Variants in ATF1 observed in about 807,000 individuals in gnomAD.
The protein encoded by ATF1 is cyclic AMP-dependent transcription factor ATF-1.
ATF1 carries 16 observed loss-of-function variants against 34.7 expected under a neutral mutation model. The observed-to-expected ratio is 0.46, with a 90% confidence interval of 0.31 to 0.70. The LOEUF (loss-of-function observed/expected upper bound fraction) is 0.70. Among genes scored for constraint, ATF1 ranks in the 30% least tolerant of loss-of-function variants. The pLI, the probability that ATF1 is intolerant of heterozygous loss-of-function variation, is 0.05. For missense variants in ATF1, 255 were observed against 321.6 expected (o/e 0.79, Z 1.58); for synonymous variants, 105 against 113.1 (o/e 0.93, Z 0.46).
intron 3 of ATF1, among the ~76,000 whole-genome samples, chr12:50,806,847 C>T (rs1183803955): frequency 2.0e-5 from 3 of 152,166 alleles, no homozygotes; most frequent in African/African-American, 7.2e-5. Flanking sequence ...GTTTAGGAAG[C>T]ACTCTGACTA....
intron 2 of ATF1, among the ~76,000 whole-genome samples, chr12:50,785,291 ACACACACACAC>A: frequency 4.8e-4 from 1 of 2,086 alleles, no homozygotes; most frequent in South Asian, 0.045. Context: ...ACATACACAC[ACACACACACAC>A]ACACACACAC....
At position 50,812,912 on chromosome 12, in the gene ATF1, T is replaced by A. The variant is rs75587360; in HGVS notation, c.329-1098T>A. Among the ~76,000 whole-genome samples the A allele has an allele frequency of 2.1e-3, 313 of 152,228 alleles. 1 individual carries two copies. The highest frequency in any genetic ancestry group is 7.2e-3 in the African/African-American group (300 of 41,538). ...TAAAGTTGGGGCAGTTGGGGAGGGA[T>A]AATTATGAATGCGTGAAAAAAAATA... On this transcript the variant is annotated intron_variant, in intron 4 of 6. Coordinates refer to ENST00000262053, the MANE Select transcript of ATF1 (RefSeq NM_005171.5).
At chr12:50,803,217 G>A (rs986001213) in intron 3 of ATF1, among the ~76,000 whole-genome samples, 9 of 151,152 alleles carry the variant, frequency 6.0e-5, no homozygotes, top group Admixed American at 2.6e-4. Flanking sequence ...GTAGTGAGCC[G>A]AGATCGCACC....
intron 1 of ATF1, among the ~76,000 whole-genome samples, chr12:50,774,063 C>T (rs1209515455): frequency 1.3e-5 from 2 of 151,962 alleles, no homozygotes; most frequent in Non-Finnish European, 2.9e-5. Flanking sequence ...TGGAGTTTCA[C>T]TCTTGTTGCC....
intron 3 of ATF1, among the ~76,000 whole-genome samples, chr12:50,796,684 G>C (rs1941414357): frequency 6.7e-6 from 1 of 149,412 alleles, no homozygotes. Context: ...CTGGGCAACA[G>C]AGCAAGACTC....
At chr12:50,795,138 C>T (rs1358526356) in intron 2 of ATF1, among the ~76,000 whole-genome samples, 1 of 152,172 alleles carries the variant, frequency 6.6e-6, no homozygotes, top group Non-Finnish European at 1.5e-5. Flanking sequence ...TGCCAGTGAC[C>T]TCCACCTTGC....
rs1592159274 is a variant in ATF1, at chr12:50,764,403, T to C, written c.-7+96T>C. On this transcript the variant is annotated intron_variant, in intron 1 of 6. Transcript: ENST00000262053. Reference sequence around the variant, plus strand: ...GGGGACGCAGCGCGGGTCGCGCGCCTGGTGGGGGTCGCGCGCGGTGGTGGC... The same window carrying C: ...GGGGACGCAGCGCGGGTCGCGCGCCCGGTGGGGGTCGCGCGCGGTGGTGGC... 4 of 102,094 alleles carry C rather than the reference T, an allele frequency of 3.9e-5. No individual in the cohort carries two copies. In the East Asian group the frequency reaches 1.2e-3, roughly 30 times the overall value. The allele number at this position is 102,094 out of a possible 1,614,324, so 6.3% of individuals were successfully genotyped here.
At chr12:50,783,509 A>G (rs1329109069) in intron 2 of ATF1, among the ~76,000 whole-genome samples, 1 of 152,218 alleles carries the variant, frequency 6.6e-6, no homozygotes, top group Non-Finnish European at 1.5e-5. Context: ...TCAGAAGCAT[A>G]TTTACGGTGA....
chr12:50,770,999 CT>C (rs200781102), intron 1 of ATF1, among the ~76,000 whole-genome samples: 6 of 149,836 alleles, frequency 4.0e-5, no homozygotes, highest in Non-Finnish European at 5.9e-5. Context: ...TTGCTTTACT[CT>C]TTTTTTTTTC....
intron 1 of ATF1, among the ~76,000 whole-genome samples, chr12:50,772,545 C>T (rs1330077066): frequency 6.6e-6 from 1 of 151,976 alleles, no homozygotes; most frequent in African/African-American, 2.4e-5. Flanking sequence ...AGGTTGGTCT[C>T]GAACTCCTGA....
At chr12:50,769,576 T>C (rs1044675164) in intron 1 of ATF1, among the ~76,000 whole-genome samples, 9 of 152,224 alleles carry the variant, frequency 5.9e-5, no homozygotes, top group African/African-American at 1.9e-4. Context: ...CTTTGGATTA[T>C]ATTTACATAA....
rs147324538 is a variant in ATF1, at chr12:50,795,158, T to C, written c.94-751T>C. ...GTGACCTCCACCTTGCTAAATCGAA[T>C]GGTCTGTTCTCAGTCTTTATTTTAT... On this transcript the variant is annotated intron_variant, in intron 2 of 6. Coordinates refer to ENST00000262053, the MANE Select transcript of ATF1 (RefSeq NM_005171.5). Among the ~76,000 whole-genome samples, 120 of 152,348 alleles carry C rather than the reference T, an allele frequency of 7.9e-4. 2 individuals are homozygous for C. Among genetic ancestry groups the C allele is most frequent in the African/African-American group, 2.7e-3 (113 of 41,584 alleles).
At chr12:50,792,836 C>T (rs1365311131) in intron 2 of ATF1, among the ~76,000 whole-genome samples, 2 of 151,904 alleles carry the variant, frequency 1.3e-5, no homozygotes, top group Admixed American at 6.6e-5. Flanking sequence ...GGAGTTAGTA[C>T]CTACCTACCA....
chr12:50,807,473 G>GA (rs1306876157), intron 3 of ATF1, among the ~76,000 whole-genome samples: 6 of 152,166 alleles, frequency 3.9e-5, no homozygotes, highest in Non-Finnish European at 7.4e-5. Context: ...TGGACCCAAA[G>GA]AAGGAAAGGC....
intron 2 of ATF1, among the ~76,000 whole-genome samples, chr12:50,784,954 A>C (rs1941150747): frequency 6.6e-6 from 1 of 151,570 alleles, no homozygotes; most frequent in Non-Finnish European, 1.5e-5. Context: ...TGTGCAGGTT[A>C]GTTACATATG....
At chr12:50,771,540 T>A (rs1368722695) in intron 1 of ATF1, among the ~76,000 whole-genome samples, 1 of 152,092 alleles carries the variant, frequency 6.6e-6, no homozygotes. Flanking sequence ...CTGAAGAAGT[T>A]ATAGAAGATG....
At chr12:50,770,124 A>G (rs1390757200) in intron 1 of ATF1, among the ~76,000 whole-genome samples, 1 of 152,228 alleles carries the variant, frequency 6.6e-6, no homozygotes, top group Non-Finnish European at 1.5e-5. Flanking sequence ...TTGTTTCTCT[A>G]TATCAGATTT....
intron 3 of ATF1, 56 bp from the exon 4 acceptor site, chr12:50,809,398 ATT>A (rs757034939): frequency 0.15 from 152,187 of 1,029,428 alleles, 7,037 homozygotes; most frequent in Non-Finnish European, 0.16. Flanking sequence ...AAAAAAAATT[ATT>A]TTTGTGAAGT....
At chr12:50,765,929 G>A (rs1276087570) in intron 1 of ATF1, among the ~76,000 whole-genome samples, 3 of 152,172 alleles carry the variant, frequency 2.0e-5, no homozygotes, top group African/African-American at 7.2e-5. Flanking sequence ...AGCAGCCCTT[G>A]GGGCTGCTCT....
Sources: allele counts gnomAD v4.1 joint callset (sites outside exome capture counted in the v4.1 genomes callset), GRCh38; gene constraint gnomAD v4.1.1; transcripts MANE v1.5; gene names NCBI Gene and HGNC (gene_info 2026-07-23, HGNC 2026-07-21).